The following SH3BP5 variants were observed in gnomAD, a reference collection of about 807,000 sequenced individuals.
SH3BP5 encodes the protein SH3 domain-binding protein 5.
Under a neutral mutation model 43.3 loss-of-function variants are expected in SH3BP5, and 22 were observed. The ratio of observed to expected loss-of-function variants is 0.51; its 90% CI spans 0.36 to 0.73. The LOEUF is 0.73. Ranked by LOEUF, SH3BP5 falls within the 30% of genes least tolerant of loss-of-function variation. SH3BP5 has a pLI of 0.00. For synonymous variants in SH3BP5, 255 were observed against 225.8 expected (o/e 1.13, Z -1.16); for missense variants, 529 against 586.9 (o/e 0.90, Z 1.02).
rs76566120 is a variant in SH3BP5 at position 15,275,411 on chromosome 3, T to C, written c.331-5534A>G. On this transcript the variant is annotated intron_variant, in intron 3 of 8. Coordinates refer to ENST00000383791, the MANE Select transcript of SH3BP5 (RefSeq NM_004844.5). The stretch of plus-strand genomic sequence containing the variant: ...TATGAAAGATGACACCTAGAAATCT[T>C]TGGTACAACCGATAACATTTTACCT... Among the ~76,000 whole-genome samples, 1,072 of 152,354 alleles carry C rather than the reference T, an allele frequency of 7.0e-3. 18 individuals carry two copies. The highest frequency in any genetic ancestry group is 0.025 in the East Asian group (129 of 5,182).
rs113957199 is a variant in SH3BP5, at chr3:15,338,079, C to T, written c.-402+3144G>A. ...TTTGTGAGCTAGGCGTGCTGGCCCA[C>T]ATCTGTAATCCCAGCACTTTGGGAG... On this transcript the variant is annotated intron_variant, in intron 1 of 8. Coordinates refer to the SH3BP5 transcript ENST00000408919. 1.1e-4 allele frequency among the ~76,000 whole-genome samples: 16 copies of T among 151,764 alleles called. 2 individuals are homozygous for T. The highest frequency in any genetic ancestry group is 3.9e-4 in the African/African-American group (16 of 41,354).
At chr3:15,315,676 G>A (rs1160137081) in intron 2 of SH3BP5, among the ~76,000 whole-genome samples, 1 of 152,134 alleles carries the variant, frequency 6.6e-6, no homozygotes, top group Non-Finnish European at 1.5e-5. Context: ...AACTATGAAG[G>A]GTTTCCAAAC....
intron 2 of SH3BP5, among the ~76,000 whole-genome samples, chr3:15,312,332 T>C (rs1272575592): frequency 3.3e-5 from 5 of 152,240 alleles, no homozygotes; most frequent in Non-Finnish European, 7.3e-5. Flanking sequence ...TTCCATAAAA[T>C]GTATTATTTT....
At chr3:15,262,383 C>T (rs982936765) in intron 4 of SH3BP5, 94 bp from the exon 5 acceptor site, 60 of 1,437,312 alleles carry the variant, frequency 4.2e-5, no homozygotes, top group East Asian at 2.3e-4. Context: ...ATTCTTTGCC[C>T]GGGCATGGTG....
Position 15,304,240 on chromosome 3 carries a change from A to C in SH3BP5, c.202-9T>G, listed in dbSNP as rs1388357030. 1 of 1,614,058 alleles carries C rather than the reference A, an allele frequency of 6.2e-7. No homozygotes were observed. Among genetic ancestry groups the C allele is most frequent in the Non-Finnish European group, 8.5e-7 (1 of 1,180,022 alleles). On this transcript the variant is annotated splice_polypyrimidine_tract_variant and intron_variant, in intron 2 of 8. Transcript: ENST00000383791. ...AACTTCTGACGAGCATCCTGCAGCC[A>C]GGGGAAACCGAGGAAACACAGTTGA... is the stretch of plus-strand genomic sequence containing the variant.
At chr3:15,294,320 T>TGCGC (rs1697503057) in intron 3 of SH3BP5, among the ~76,000 whole-genome samples, 1 of 143,796 alleles carries the variant, frequency 7.0e-6, no homozygotes, top group Admixed American at 6.8e-5. Context: ...TGTGTGTGTG[T>TGCGC]GTGTGTGTGT....
chr3:15,336,424 T>A (rs528024606), upstream of SH3BP5, among the ~76,000 whole-genome samples: 6 of 152,266 alleles, frequency 3.9e-5, no homozygotes, highest in Non-Finnish European at 8.8e-5. Flanking sequence ...GGCTAGTGTA[T>A]GAGAAATTGA....
intron 5 of SH3BP5, among the ~76,000 whole-genome samples, chr3:15,261,208 A>G (rs1472656013): frequency 2.0e-5 from 3 of 152,210 alleles, no homozygotes; most frequent in Non-Finnish European, 4.4e-5. Flanking sequence ...AAACAAAAAT[A>G]CACTAGTCAA....
chr3:15,337,520 T>C (rs1698715182), upstream of SH3BP5, among the ~76,000 whole-genome samples: 1 of 152,216 alleles, frequency 6.6e-6, no homozygotes, highest in South Asian at 2.1e-4. Context: ...TTTCAGCCCC[T>C]ACTATATGCA....
At chr3:15,327,845 C>G (rs1209147714) in intron 2 of SH3BP5, among the ~76,000 whole-genome samples, 3 of 152,212 alleles carry the variant, frequency 2.0e-5, no homozygotes, top group Non-Finnish European at 2.9e-5. Context: ...CGTGTCTAGT[C>G]TCAACTGAAA....
intron 2 of SH3BP5, among the ~76,000 whole-genome samples, chr3:15,320,917 T>C (rs1299572665): frequency 1.3e-5 from 2 of 152,218 alleles, no homozygotes; most frequent in African/African-American, 2.4e-5. Context: ...CAAGCACTTA[T>C]GATCCTGCCA....
Position 15,255,951 on chromosome 3 carries a change from A to G in SH3BP5, c.*135T>C, listed in dbSNP as rs1575269462. 5 of 768,392 alleles carry G rather than the reference A, an allele frequency of 6.5e-6. No homozygotes were observed. In the East Asian group the frequency reaches 9.9e-5, roughly 15 times the overall value. The allele number at this position is 768,392 out of a possible 1,614,324, so 47.6% of individuals were successfully genotyped here. On this transcript the variant is annotated 3_prime_UTR_variant, in exon 9 of 9. Transcript: ENST00000383791. ...CCAGAAGAACAATCTTTAGCCCTCA[A>G]GGTCACTGAAACTTCATTAGAGCAG...
intron 6 of SH3BP5, 150 bp downstream of exon 6, chr3:15,259,611 G>T: frequency 2.5e-6 from 2 of 811,632 alleles, no homozygotes; most frequent in South Asian, 1.3e-5. Flanking sequence ...ACCCAACCGA[G>T]ACAATTTTGA....
At chr3:15,260,059 C>T in intron 5 of SH3BP5, 1 of 536,860 alleles carries the variant, frequency 1.9e-6, no homozygotes, top group Non-Finnish European at 3.3e-6. Flanking sequence ...CCCACACACA[C>T]ATATCTTGGG....
chr3:15,277,104 C>T (rs986497006), intron 3 of SH3BP5, among the ~76,000 whole-genome samples: 1 of 152,102 alleles, frequency 6.6e-6, no homozygotes, highest in African/African-American at 2.4e-5. Flanking sequence ...GTGCCCGCCA[C>T]CATGCCCAGC....
chr3:15,309,537 C>T (rs138067563), intron 2 of SH3BP5, among the ~76,000 whole-genome samples: 2 of 152,146 alleles, frequency 1.3e-5, no homozygotes, highest in African/African-American at 2.4e-5. Context: ...CAACACCATG[C>T]CTGCTTTTTT....
At chr3:15,284,309 C>T (rs980876587) in intron 3 of SH3BP5, among the ~76,000 whole-genome samples, 7 of 152,196 alleles carry the variant, frequency 4.6e-5, no homozygotes, top group African/African-American at 1.7e-4. Flanking sequence ...CCCTGTTCAA[C>T]CCCTCCTTAC....
At chr3:15,283,663 T>A (rs1412977421) in intron 3 of SH3BP5, among the ~76,000 whole-genome samples, 1 of 152,226 alleles carries the variant, frequency 6.6e-6, no homozygotes, top group African/African-American at 2.4e-5. Context: ...AGCTCTCAGC[T>A]CTTTCTCTGT....
At chr3:15,313,677 A>G (rs958821577) in intron 2 of SH3BP5, among the ~76,000 whole-genome samples, 3 of 152,226 alleles carry the variant, frequency 2.0e-5, no homozygotes, top group Non-Finnish European at 2.9e-5. Flanking sequence ...AGTGCTCTCC[A>G]GTGCTGGCTG....
Sources: allele counts gnomAD v4.1 joint callset (sites outside exome capture counted in the v4.1 genomes callset), GRCh38; gene constraint gnomAD v4.1.1; transcripts MANE v1.5; gene names NCBI Gene and HGNC (gene_info 2026-07-23, HGNC 2026-07-21).